GRIK2: variants seen among roughly 807,000 people sequenced by gnomAD.
GRIK2 encodes the protein glutamate ionotropic receptor kainate type subunit 2.
In GRIK2, 32 loss-of-function variants were observed where a neutral mutation model predicts 100.3. The ratio of observed to expected loss-of-function variants is 0.32; its 90% CI spans 0.24 to 0.43. The LOEUF (loss-of-function observed/expected upper bound fraction) is 0.43. Ranked by LOEUF, GRIK2 falls within the 20% of genes least tolerant of loss-of-function variation. GRIK2 has a pLI of 1.00. For missense variants in GRIK2, 843 were observed against 1,114.9 expected (o/e 0.76, Z 3.47); for synonymous variants, 417 against 389.4 (o/e 1.07, Z -0.83).
Position 101,881,649 on chromosome 6 carries a change from C to G in GRIK2, c.1525-7991C>G, listed in dbSNP as rs115970855. Reference sequence around the variant, plus strand: ...CTAGTGCATTAAATATAAATTCCAGCTAGCCTGTGCAACATTATCAGAACA... The same window carrying G: ...CTAGTGCATTAAATATAAATTCCAGGTAGCCTGTGCAACATTATCAGAACA... On this transcript the variant is annotated intron_variant, in intron 11 of 16. Coordinates refer to ENST00000369134, the MANE Select transcript of GRIK2 (RefSeq NM_021956.5). Among the ~76,000 whole-genome samples the G allele has an allele frequency of 1.7e-3, 264 of 151,380 alleles. 1 individual carries two copies. The highest frequency in any genetic ancestry group is 6.0e-3 in the African/African-American group (247 of 41,280).
At chr6:101,858,156 C>T (rs1011031316) in intron 10 of GRIK2, among the ~76,000 whole-genome samples, 1 of 151,982 alleles carries the variant, frequency 6.6e-6, no homozygotes, top group Admixed American at 6.6e-5. Context: ...TTTCTATTGA[C>T]CTATTTTATG....
chr6:101,394,424 A>G (rs1201756763), intron 1 of GRIK2, among the ~76,000 whole-genome samples: 1 of 152,176 alleles, frequency 6.6e-6, no homozygotes, highest in Non-Finnish European at 1.5e-5. Context: ...ATCCTCTGAT[A>G]TTTTTACCTT....
chr6:101,600,842 A>G (rs1006106397), intron 2 of GRIK2, among the ~76,000 whole-genome samples: 1 of 151,880 alleles, frequency 6.6e-6, no homozygotes, highest in Non-Finnish European at 1.5e-5. Context: ...GCATAGAATC[A>G]TATCATCAGT....
At chr6:101,523,094 T>C (rs530554776) in intron 2 of GRIK2, among the ~76,000 whole-genome samples, 5 of 151,356 alleles carry the variant, frequency 3.3e-5, no homozygotes, top group African/African-American at 9.7e-5. Context: ...TATTAATGTA[T>C]GAATCAAGTA....
intron 14 of GRIK2, among the ~76,000 whole-genome samples, chr6:101,980,491 T>A (rs1431234401): frequency 6.6e-6 from 1 of 151,902 alleles, no homozygotes; most frequent in Non-Finnish European, 1.5e-5. Flanking sequence ...TTAAGACTTT[T>A]TACAACCTTT....
rs188890457 is a variant in GRIK2, at chr6:101,744,025, C to T, written c.952-55623C>T. 1.8e-3 allele frequency among the ~76,000 whole-genome samples: 274 copies of T among 152,116 alleles called. 2 individuals are homozygous for T. The highest frequency in any genetic ancestry group is 6.0e-3 in the African/African-American group (249 of 41,508). On this transcript the variant is annotated intron_variant, in intron 7 of 16. Transcript: ENST00000369134. ...TGGCATGATCTCGGCTCACTGAAAG[C>T]TCCACCTCCCAGGTTCACACCATTC...
At chr6:101,904,238 G>C (rs1788071408) in intron 12 of GRIK2, among the ~76,000 whole-genome samples, 1 of 151,366 alleles carries the variant, frequency 6.6e-6, no homozygotes, top group South Asian at 2.1e-4. Context: ...TAAGAATCTA[G>C]TCTCCTGATT....
intron 4 of GRIK2, among the ~76,000 whole-genome samples, chr6:101,631,210 C>G (rs1160164444): frequency 2.0e-5 from 3 of 152,092 alleles, no homozygotes; most frequent in Non-Finnish European, 2.9e-5. Context: ...TTCTGTCAGT[C>G]ATTTTGGAAC....
intron 2 of GRIK2, among the ~76,000 whole-genome samples, chr6:101,505,509 T>C (rs1029576202): frequency 6.6e-6 from 1 of 152,140 alleles, no homozygotes; most frequent in Non-Finnish European, 1.5e-5. Flanking sequence ...TTGGTCCTAT[T>C]ATACCAGACA....
chr6:101,620,458 T>A (rs1267634584), intron 2 of GRIK2, among the ~76,000 whole-genome samples: 1 of 152,178 alleles, frequency 6.6e-6, no homozygotes, highest in Non-Finnish European at 1.5e-5. Context: ...TTTTATCTTG[T>A]TCCTGAATGT....
At chr6:101,851,953 T>C (rs1268426022) in intron 10 of GRIK2, among the ~76,000 whole-genome samples, 1 of 39,540 alleles carries the variant, frequency 2.5e-5, no homozygotes, top group Non-Finnish European at 4.7e-5. Context: ...CTGTTGACTA[T>C]GGGCAAAAAA....
At chr6:101,881,869 A>C (rs539508599) in intron 11 of GRIK2, among the ~76,000 whole-genome samples, 1 of 152,134 alleles carries the variant, frequency 6.6e-6, no homozygotes, top group Non-Finnish European at 1.5e-5. Flanking sequence ...ATAAATAAAT[A>C]AGTAAATAAA....
At chr6:101,876,942 T>C (rs1459515960) in intron 11 of GRIK2, among the ~76,000 whole-genome samples, 1 of 151,962 alleles carries the variant, frequency 6.6e-6, no homozygotes, top group African/African-American at 2.4e-5. Context: ...AAGCTTCTTA[T>C]GTTATGGTTT....
At chr6:101,764,738 C>T (rs919329791) in intron 7 of GRIK2, among the ~76,000 whole-genome samples, 3 of 152,034 alleles carry the variant, frequency 2.0e-5, no homozygotes, top group Non-Finnish European at 2.9e-5. Context: ...TGAAGGATCT[C>T]CTGCCTCTAG....
At chr6:101,801,656 A>G (rs182609364) in intron 8 of GRIK2, among the ~76,000 whole-genome samples, 5 of 152,080 alleles carry the variant, frequency 3.3e-5, no homozygotes, top group African/African-American at 1.2e-4. Context: ...AATGGAAAAC[A>G]TCTAATTGTG....
chr6:101,626,568 CGTGCCA>C lies in GRIK2; in HGVS notation c.473_478del (p.Arg158_Ile160delinsLeu). ...CTACCCAGACTTCTCTTCACTCAGC[CGTGCCA>C]TTTTAGACCTGGTGCAGTTTTTCAA... On this transcript the variant is annotated inframe_deletion, in exon 4 of 17. Coordinates refer to ENST00000369134, the MANE Select transcript of GRIK2 (RefSeq NM_021956.5). The C allele has an allele frequency of 6.2e-7, 1 of 1,613,722 alleles. No homozygotes were observed. Among genetic ancestry groups the C allele is most frequent in the Non-Finnish European group, 8.5e-7 (1 of 1,179,664 alleles).
At chr6:101,859,562 T>C in intron 11 of GRIK2, 69 bp downstream of exon 11, 1 of 865,426 alleles carries the variant, frequency 1.2e-6, no homozygotes, top group Admixed American at 1.8e-5. Context: ...TGTTGATGTA[T>C]ATGAAATAAC....
At chr6:101,552,834 A>G (rs1374913288) in intron 2 of GRIK2, among the ~76,000 whole-genome samples, 1 of 152,142 alleles carries the variant, frequency 6.6e-6, no homozygotes, top group Non-Finnish European at 1.5e-5. Flanking sequence ...GCATCCTTTT[A>G]CTGTTTCATT....
At chr6:101,873,076 G>A (rs184743284) in intron 11 of GRIK2, among the ~76,000 whole-genome samples, 1 of 151,746 alleles carries the variant, frequency 6.6e-6, no homozygotes, top group East Asian at 1.9e-4. Context: ...TTAAACACAA[G>A]TGATTTTTAA....
Sources: allele counts gnomAD v4.1 joint callset (sites outside exome capture counted in the v4.1 genomes callset), GRCh38; gene constraint gnomAD v4.1.1; transcripts MANE v1.5; gene names NCBI Gene and HGNC (gene_info 2026-07-23, HGNC 2026-07-21).